Variants in ARFGEF1 observed in about 807,000 individuals in gnomAD.
ARFGEF1 encodes ARF guanine nucleotide exchange factor 1, also known as brefeldin A-inhibited guanine nucleotide-exchange protein 1.
ARFGEF1 carries 42 observed loss-of-function variants against 231.0 expected under a neutral mutation model. That is an observed-to-expected ratio of 0.18 (90% CI 0.14 to 0.24). The LOEUF (loss-of-function observed/expected upper bound fraction) is 0.24. Ranked by LOEUF, ARFGEF1 falls within the 10% of genes least tolerant of loss-of-function variation. ARFGEF1 has a pLI of 1.00. For synonymous variants in ARFGEF1, 710 were observed against 732.3 expected (o/e 0.97, Z 0.49); for missense variants, 1,345 against 2,192.0 (o/e 0.61, Z 7.72).
At chr8:67,291,011 A>G (rs1479914945) in intron 6 of ARFGEF1, among the ~76,000 whole-genome samples, 1 of 152,164 alleles carries the variant, frequency 6.6e-6, no homozygotes, top group Non-Finnish European at 1.5e-5. Flanking sequence ...ATCCTTCCTC[A>G]AAGTGAAGTA....
At chr8:67,186,330 T>C (rs1834563423) in intron 5 of ARFGEF1, among the ~76,000 whole-genome samples, 1 of 151,698 alleles carries the variant, frequency 6.6e-6, no homozygotes, top group Non-Finnish European at 1.5e-5. Context: ...TGGAATGTTA[T>C]GATAGGCCAT....
intron 4 of ARFGEF1, among the ~76,000 whole-genome samples, chr8:67,297,439 C>T (rs1806284769): frequency 6.6e-6 from 1 of 151,968 alleles, no homozygotes; most frequent in Non-Finnish European, 1.5e-5. Context: ...AGTAGCTGGG[C>T]GTAAGTGCCA....
intron 19 of ARFGEF1, among the ~76,000 whole-genome samples, chr8:67,241,176 A>G (rs188683303): frequency 1.3e-5 from 2 of 152,346 alleles, no homozygotes; most frequent in African/African-American, 4.8e-5. Flanking sequence ...TAAACTTCAG[A>G]AAGTTGAGAA....
At chr8:67,281,160 C>T (rs1331020695) in intron 7 of ARFGEF1, among the ~76,000 whole-genome samples, 1 of 152,132 alleles carries the variant, frequency 6.6e-6, no homozygotes, top group African/African-American at 2.4e-5. Flanking sequence ...GTAACATTCT[C>T]GTTGAATGTA....
chr8:67,283,685 G>A (rs1006567777), intron 7 of ARFGEF1, among the ~76,000 whole-genome samples: 2 of 152,018 alleles, frequency 1.3e-5, no homozygotes, highest in African/African-American at 4.8e-5. Flanking sequence ...ATGAACAGAA[G>A]ACATGAATAA....
chr8:67,176,011 G>A (rs895779105), intron 5 of ARFGEF1, among the ~76,000 whole-genome samples: 1 of 150,350 alleles, frequency 6.7e-6, no homozygotes, highest in Non-Finnish European at 1.5e-5. Context: ...GTTATATTTT[G>A]TTGGAGAAGT....
intron 36 of ARFGEF1, among the ~76,000 whole-genome samples, chr8:67,202,743 G>T (rs1405733696): frequency 6.6e-6 from 1 of 152,156 alleles, no homozygotes; most frequent in Non-Finnish European, 1.5e-5. Context: ...GCCAGGTTTT[G>T]TGTGTGCGAC....
chr8:67,295,505 A>G (rs1806193991), intron 5 of ARFGEF1, among the ~76,000 whole-genome samples: 2 of 152,190 alleles, frequency 1.3e-5, no homozygotes, highest in Non-Finnish European at 2.9e-5. Flanking sequence ...CCTCATTCTA[A>G]TCACGAGAAA....
chr8:67,186,966 CT>C (rs1436833569), intron 5 of ARFGEF1, among the ~76,000 whole-genome samples: 15 of 141,454 alleles, frequency 1.1e-4, no homozygotes, highest in East Asian at 4.2e-4. Context: ...ATAAATCTAT[CT>C]ATCATCTATC....
At chr8:67,255,840 C>T (rs1239348705) in intron 17 of ARFGEF1, among the ~76,000 whole-genome samples, 4 of 152,190 alleles carry the variant, frequency 2.6e-5, no homozygotes, top group East Asian at 1.9e-4. Flanking sequence ...ATGCTAAAGA[C>T]GGGACACTGT....
Position 67,258,248 on chromosome 8 carries a change from T to C in ARFGEF1, c.2278A>G (p.Lys760Glu), listed in dbSNP as rs757921940. 6.2e-7 allele frequency: 1 copy of C among 1,609,600 alleles called. No individual in the cohort carries two copies. Among genetic ancestry groups the C allele is most frequent in the South Asian group, 1.1e-5 (1 of 90,950 alleles). ...TCCACATATGCATACATGACTTCTTTGTTAAATTTATCATTATCTCCCAGG... is the reference window on the plus strand; with the variant it reads ...TCCACATATGCATACATGACTTCTTCGTTAAATTTATCATTATCTCCCAGG... ...EFLGDNDKFN[K>E]EVMYAYVDQH... Residue 760 changes from lysine to glutamate, a missense_variant, in exon 16 of 39, where the codon AAA (lysine) becomes GAA (glutamate). Physicochemically the swap from Lys to Glu is moderately conservative, Grantham distance 56. This residue lies in a region of ARFGEF1 where 105 missense variants were observed against 159.3 expected (regional missense o/e 0.66). Coordinates refer to ENST00000262215, the MANE Select transcript of ARFGEF1 (RefSeq NM_006421.5).
At chr8:67,265,137 C>T (rs1038173414) in intron 14 of ARFGEF1, among the ~76,000 whole-genome samples, 1 of 152,054 alleles carries the variant, frequency 6.6e-6, no homozygotes, top group East Asian at 1.9e-4. Context: ...AGAATTAATG[C>T]AGTAGTGACA....
At chr8:67,264,030 C>T (rs1587162686) in intron 14 of ARFGEF1, among the ~76,000 whole-genome samples, 1 of 151,964 alleles carries the variant, frequency 6.6e-6, no homozygotes, top group African/African-American at 2.4e-5. Context: ...TGAGGTGAGA[C>T]AGAAAAGTGG....
intron 19 of ARFGEF1, among the ~76,000 whole-genome samples, chr8:67,250,092 G>A (rs1179798872): frequency 2.0e-5 from 3 of 152,200 alleles, no homozygotes; most frequent in African/African-American, 7.2e-5. Flanking sequence ...GAGATCTAGC[G>A]ATGGAATTGG....
intron 1 of ARFGEF1, among the ~76,000 whole-genome samples, chr8:67,342,728 GTTA>G (rs2128941258): frequency 6.6e-6 from 1 of 152,254 alleles, no homozygotes; most frequent in African/African-American, 2.4e-5. Context: ...AAACGAAAAA[GTTA>G]TTGTTAATTA....
At chr8:67,314,992 C>T (rs1444127544) in intron 1 of ARFGEF1, among the ~76,000 whole-genome samples, 1 of 152,118 alleles carries the variant, frequency 6.6e-6, no homozygotes, top group Non-Finnish European at 1.5e-5. Flanking sequence ...GCACTCCAAC[C>T]TAGGTGACAG....
chr8:67,227,361 G>A (rs762896580), intron 26 of ARFGEF1, 52 bp from the exon 27 acceptor site: 1 of 1,598,766 alleles, frequency 6.3e-7, no homozygotes, highest in South Asian at 1.1e-5. Context: ...AAACTCATCA[G>A]TTTTTCCCCC....
chr8:67,271,038 A>G (rs1345520663), intron 10 of ARFGEF1, among the ~76,000 whole-genome samples: 11 of 140,026 alleles, frequency 7.9e-5, no homozygotes, highest in African/African-American at 2.5e-5. Context: ...AAAAAAAAAA[A>G]AAAAAGGAAA....
At chr8:67,293,693 T>C (rs563525635) in intron 5 of ARFGEF1, among the ~76,000 whole-genome samples, 2 of 152,258 alleles carry the variant, frequency 1.3e-5, no homozygotes, top group South Asian at 4.1e-4. Flanking sequence ...GTCTTCAAGA[T>C]GGTCACCAAT....
Sources: gnomAD v4.1 joint callset for allele counts (sites outside exome capture counted in the v4.1 genomes callset) on GRCh38, gnomAD v4.1.1 for gene constraint, gnomAD v4.1.1 regional missense constraint, MANE v1.5 for transcripts, NCBI Gene and HGNC (gene_info 2026-07-23, HGNC 2026-07-21) for gene names.